The following KCNQ1OT1 variants were observed in gnomAD, a reference collection of about 807,000 sequenced individuals.
The protein encoded by KCNQ1OT1 is KCNQ1 antisense RNA 2 (non-protein coding).
exon 1 of KCNQ1OT1, chr11:2,639,233 C>G (rs1356196839): frequency 1.3e-5 from 2 of 152,252 alleles, no homozygotes; most frequent in Non-Finnish European, 2.9e-5. Flanking sequence ...CATTCTCCGT[C>G]CAGCTTTGTT....
rs549309014 is a variant in KCNQ1OT1, at chr11:2,647,769, A to G, written n.52226T>C. The G allele has an allele frequency of 4.8e-4, 191 of 398,220 alleles. No homozygotes were observed. Among genetic ancestry groups the G allele is most frequent in the African/African-American group, 3.8e-3 (184 of 48,612 alleles). 24.7% of individuals were successfully genotyped at this position (398,220 alleles called of 1,614,324 possible). A position where few individuals can be genotyped will look rare whatever the true frequency, so the allele number is the denominator to read the frequency against. ...TTATCTCTTTCCTCTAGGTTTTCTA[A>G]TTGTTGACATATAGTTGTTCATAAT... On this transcript the variant is annotated non_coding_transcript_exon_variant, in exon 1 of 1. Coordinates refer to ENST00000597346, the Ensembl canonical transcript of KCNQ1OT1. The surrounding 1 kb of genome is among the most constrained non-coding windows in gnomAD (Gnocchi z 4.0).
At chr11:2,636,391 T>C (rs925260867) in exon 1 of KCNQ1OT1, 8 of 152,226 alleles carry the variant, frequency 5.3e-5, no homozygotes, top group African/African-American at 1.9e-4. Flanking sequence ...GTTTTTAGCA[T>C]GAAGGGCTGT....
Position 2,661,750 on chromosome 11 carries a change from T to A in KCNQ1OT1, n.38245A>T. ...TCCGAAGATGATTCACTGGCCTTTATTCTCCTCAGACACTGAGGTGTCAGG... is the reference window on the plus strand; with the variant it reads ...TCCGAAGATGATTCACTGGCCTTTAATCTCCTCAGACACTGAGGTGTCAGG... On this transcript the variant is annotated non_coding_transcript_exon_variant, in exon 1 of 1. Transcript: ENST00000597346. This position sits in a 1 kb window ranked among gnomAD's most constrained non-coding sequence, Gnocchi z 5.9. The A allele has an allele frequency of 1.6e-6, 1 of 631,808 alleles. No homozygotes were observed. Among genetic ancestry groups the A allele is most frequent in the Non-Finnish European group, 2.8e-6 (1 of 352,364 alleles). 39.1% of individuals were successfully genotyped at this position (631,808 alleles called of 1,614,324 possible).
At chr11:2,644,856 T>C (rs2133834711) in exon 1 of KCNQ1OT1, 1 of 398,752 alleles carries the variant, frequency 2.5e-6, no homozygotes, top group African/African-American at 2.1e-5. Flanking sequence ...TAGTTTAGGA[T>C]GCAGTTGTTG....
exon 1 of KCNQ1OT1, chr11:2,672,097 G>C (rs878880409): frequency 2.5e-6 from 1 of 398,586 alleles, no homozygotes; most frequent in South Asian, 1.3e-4. Context: ...GCTGTCTTCT[G>C]CCCACAGGGG....
rs761299344 is a variant in KCNQ1OT1 at position 2,664,230 on chromosome 11, G to C, written n.35765C>G. 20 of 398,984 alleles carry C rather than the reference G, an allele frequency of 5.0e-5. No homozygotes were observed. The Middle Eastern group carries it at 1.9e-3, about 38-fold the overall frequency. 24.7% of individuals were successfully genotyped at this position (398,984 alleles called of 1,614,324 possible). ...AGCCCAGGCATGGGGCTTGGGGTGA[G>C]GGATCTGAAGAGGGGACTGGGAGAG... On this transcript the variant is annotated non_coding_transcript_exon_variant, in exon 1 of 1. Coordinates refer to ENST00000597346, the Ensembl canonical transcript of KCNQ1OT1. The surrounding 1 kb of genome is among the most constrained non-coding windows in gnomAD (Gnocchi z 5.1).
exon 1 of KCNQ1OT1, chr11:2,633,597 C>T: frequency 2.5e-6 from 1 of 398,466 alleles, no homozygotes; most frequent in Non-Finnish European, 4.4e-6. Flanking sequence ...ATCCTGTTTT[C>T]CCAACATGAT....
At chr11:2,692,203 G>A (rs979171935) in exon 1 of KCNQ1OT1, 6 of 398,660 alleles carry the variant, frequency 1.5e-5, no homozygotes, top group Non-Finnish European at 2.7e-5. Context: ...GGTCATTTCC[G>A]ATACACCCGC....
rs537629719 is a variant in KCNQ1OT1 at position 2,673,159 on chromosome 11, C to G, written n.26836G>C. 2.5e-6 allele frequency: 1 copy of G among 398,696 alleles called. No homozygotes were observed. The highest frequency in any genetic ancestry group is 3.6e-5 in the East Asian group (1 of 28,074). The allele number at this position is 398,696 out of a possible 1,614,324, so 24.7% of individuals were successfully genotyped here. ...GTGCTGACCATCCCTGACCCAAGCA[C>G]GAGGATCAGAATGGGCCCTGGAGCC... On this transcript the variant is annotated non_coding_transcript_exon_variant, in exon 1 of 1. Transcript: ENST00000597346. This position sits in a 1 kb window ranked among gnomAD's most constrained non-coding sequence, Gnocchi z 4.5.
Position 2,683,177 on chromosome 11 carries a change from A to G in KCNQ1OT1, n.16818T>C. On this transcript the variant is annotated non_coding_transcript_exon_variant, in exon 1 of 1. Transcript: ENST00000597346. The surrounding 1 kb of genome is among the most constrained non-coding windows in gnomAD (Gnocchi z 4.7). ...AGGAATGGGTATTAGCATCTGCATT[A>G]AAAGGCTCCCACTGACAGCTCATGC... 2.5e-6 allele frequency: 1 copy of G among 398,686 alleles called. No individual in the cohort carries two copies. The highest frequency in any genetic ancestry group is 4.4e-6 in the Non-Finnish European group (1 of 226,092). 24.7% of individuals were successfully genotyped at this position (398,686 alleles called of 1,614,324 possible).
At chr11:2,644,371 T>G (rs1849633077) in exon 1 of KCNQ1OT1, 1 of 398,286 alleles carries the variant, frequency 2.5e-6, no homozygotes, top group Non-Finnish European at 4.4e-6. Context: ...TATTGAAGCT[T>G]TCAAATATGT....
At chr11:2,625,539 A>C in exon 1 of KCNQ1OT1, 1 of 393,974 alleles carries the variant, frequency 2.5e-6, no homozygotes, top group Non-Finnish European at 4.4e-6. Flanking sequence ...ATCCATTTGT[A>C]TATCTTCTTT....
exon 1 of KCNQ1OT1, chr11:2,684,146 G>A (rs771373489): frequency 1.2e-4 from 46 of 398,482 alleles, no homozygotes; most frequent in Non-Finnish European, 1.8e-4. Flanking sequence ...TGAAGAATGG[G>A]GTACACCAGA....
rs1850125944 is a variant in KCNQ1OT1 at position 2,668,626 on chromosome 11, ATGTT to A, written n.31365_31368del. On this transcript the variant is annotated non_coding_transcript_exon_variant, in exon 1 of 1. Transcript: ENST00000597346. This position sits in a 1 kb window ranked among gnomAD's most constrained non-coding sequence, Gnocchi z 4.3. Reference sequence around the variant, plus strand: ...ATTGCCTACATCTTCTGCCTGTTTTATGTTTATTTATGGTCCTATATATCTTTAG... The same window carrying A: ...ATTGCCTACATCTTCTGCCTGTTTTATATTTATGGTCCTATATATCTTTAG... 1 of 398,358 alleles carries A rather than the reference ATGTT, an allele frequency of 2.5e-6. No homozygotes were observed. The highest frequency in any genetic ancestry group is 2.1e-5 in the African/African-American group (1 of 48,568). The allele number at this position is 398,358 out of a possible 1,614,324, so 24.7% of individuals were successfully genotyped here.
At position 2,642,421 on chromosome 11, in the gene KCNQ1OT1, T is replaced by C. The variant is rs569696531; in HGVS notation, n.57574A>G. The C allele has an allele frequency of 2.3e-5, 9 of 398,102 alleles. No homozygotes were observed. Among genetic ancestry groups the C allele is most frequent in the South Asian group, 2.5e-4 (2 of 7,850 alleles). The allele number at this position is 398,102 out of a possible 1,614,324, so 24.7% of individuals were successfully genotyped here. A position where few individuals can be genotyped will look rare whatever the true frequency, so the allele number is the denominator to read the frequency against. The stretch of plus-strand genomic sequence containing the variant: ...TCTCAGCTGGTTCTTTATTGGTATA[T>C]AGAAATAAGCCTGATTTTTAAATCC... On this transcript the variant is annotated non_coding_transcript_exon_variant, in exon 1 of 1. Transcript: ENST00000597346. This position sits in a 1 kb window ranked among gnomAD's most constrained non-coding sequence, Gnocchi z 4.3.
rs185438656 is a variant in KCNQ1OT1, at chr11:2,631,185, T to A, written n.68810A>T. On this transcript the variant is annotated non_coding_transcript_exon_variant, in exon 1 of 1. Coordinates refer to ENST00000597346, the Ensembl canonical transcript of KCNQ1OT1. ...TTCTCTGAATTAACTTTCTACCCTTTACCTCTCTACTTTCCTTCTATAAAT... is the reference window on the plus strand; with the variant it reads ...TTCTCTGAATTAACTTTCTACCCTTAACCTCTCTACTTTCCTTCTATAAAT... 1.5e-3 allele frequency: 596 copies of A among 398,544 alleles called. 3 individuals are homozygous for A. The highest frequency in any genetic ancestry group is 5.7e-3 in the Middle Eastern group (9 of 1,586). 24.7% of individuals were successfully genotyped at this position (398,544 alleles called of 1,614,324 possible).
exon 1 of KCNQ1OT1, chr11:2,666,365 C>T (rs1360293472): frequency 5.0e-6 from 2 of 398,556 alleles, no homozygotes; most frequent in East Asian, 3.6e-5. Context: ...GCTTGCCTGG[C>T]CTCTTGTGAC....
exon 1 of KCNQ1OT1, chr11:2,637,590 T>A (rs1261286309): frequency 2.0e-5 from 3 of 152,132 alleles, no homozygotes; most frequent in African/African-American, 4.8e-5. Context: ...TGCTGAGGAG[T>A]GCTTTACTTC....
Position 2,676,697 on chromosome 11 carries a change from C to T in KCNQ1OT1, n.23298G>A. On this transcript the variant is annotated non_coding_transcript_exon_variant, in exon 1 of 1. Coordinates refer to ENST00000597346, the Ensembl canonical transcript of KCNQ1OT1. The surrounding 1 kb of genome is among the most constrained non-coding windows in gnomAD (Gnocchi z 4.2). ...CAAGGGAGCACTAACTGGACTACAG[C>T]CTGGCAGGAGATAACCAAGTCATAT... 2.5e-6 allele frequency: 1 copy of T among 398,624 alleles called. No homozygotes were observed. The highest frequency in any genetic ancestry group is 1.3e-4 in the South Asian group (1 of 7,858). The allele number at this position is 398,624 out of a possible 1,614,324, so 24.7% of individuals were successfully genotyped here.
Sources: gnomAD v4.1 joint callset for allele counts on GRCh38, gnomAD v4.1.1 for gene constraint, Gnocchi (gnomAD v3.1) non-coding constraint, MANE v1.5 for transcripts, NCBI Gene and HGNC (gene_info 2026-07-23, HGNC 2026-07-21) for gene names.